GP6: variants seen among roughly 807,000 people sequenced by gnomAD.
The protein encoded by GP6 is glycoprotein VI platelet, also known as platelet glycoprotein VI.
A neutral mutation model predicts 37.3 loss-of-function variants in GP6; 45 were observed. The observed-to-expected ratio is 1.21, with a 90% CI of 0.95 to 1.55. The LOEUF is 1.55. GP6 is among the 40% of genes most tolerant of loss of function. GP6 has a pLI of 0.00. For synonymous variants in GP6, 340 were observed against 316.4 expected (o/e 1.07, Z -0.79); for missense variants, 813 against 760.2 (o/e 1.07, Z -0.82).
intron 3 of GP6, among the ~76,000 whole-genome samples, chr19:55,031,811 A>C (rs1208670401): frequency 6.6e-6 from 1 of 152,022 alleles, no homozygotes; most frequent in African/African-American, 2.4e-5. Context: ...CATCTCTATA[A>C]AAACATAAAA....
At position 55,032,819 on chromosome 19, in the gene GP6, A is replaced by C. The variant is rs560851334; in HGVS notation, c.35-281T>G. The C allele has an allele frequency of 5.1e-6, 3 of 593,342 alleles. No individual in the cohort carries two copies. The African/African-American group carries it at 5.7e-5, about 11-fold the overall frequency. The allele number at this position is 593,342 out of a possible 1,614,324, so 36.8% of individuals were successfully genotyped here. ...GGGTGGTGGGAGAGGAGGGCAAGGC[A>C]TGGTGGCGTACTGCTCTCTGTGGAC... is the stretch of plus-strand genomic sequence containing the variant. On this transcript the variant is annotated intron_variant, in intron 1 of 7. Transcript: ENST00000310373.
Position 55,015,147 on chromosome 19 carries a change from T to C in GP6, c.798A>G (p.Leu266=). ...TATCCGGACCAGGTTGCCCTTGGTG[T>C]AGTACTGGCGGGCAGGACCTGGAGG... is the stretch of plus-strand genomic sequence containing the variant. Residue 266 remains leucine (L), a synonymous_variant, in exon 8 of 8, where the codon CTA becomes CTG. Transcript: ENST00000310373. 1 of 1,567,396 alleles carries C rather than the reference T, an allele frequency of 6.4e-7. No homozygotes were observed. The highest frequency in any genetic ancestry group is 2.3e-5 in the East Asian group (1 of 42,572).
chr19:55,018,816 T>A, intron 5 of GP6, 105 bp from the exon 6 acceptor site: 1 of 799,908 alleles, frequency 1.3e-6, no homozygotes, highest in Non-Finnish European at 2.3e-6. Flanking sequence ...CCCCTTTCTC[T>A]GACACACTGC....
chr19:55,024,336 A>G (rs1406515220), intron 5 of GP6, among the ~76,000 whole-genome samples: 2 of 54,548 alleles, frequency 3.7e-5, no homozygotes, highest in Non-Finnish European at 9.7e-5. Flanking sequence ...ATATGCACGC[A>G]CACACGCACA....
chr19:55,036,497 A>G (rs1235814146), intron 1 of GP6, among the ~76,000 whole-genome samples: 1 of 150,958 alleles, frequency 6.6e-6, no homozygotes, highest in African/African-American at 2.4e-5. Flanking sequence ...CCAGGAGTTC[A>G]AGACCAGCCT....
intron 6 of GP6, 72 bp downstream of exon 6, chr19:55,018,580 G>C (rs2073960145): frequency 1.1e-6 from 1 of 894,958 alleles, no homozygotes; most frequent in South Asian, 1.3e-5. Flanking sequence ...AAGCCTACAG[G>C]CTTAGATAAT....
chr19:55,027,509 C>T lies in GP6; in HGVS notation c.610+69G>A, dbSNP rs73057282. ...TCCCACTTCCTTCCCACTTATGGCC[C>T]CTCCCTTGGAATGGCCATCAGGACC... On this transcript the variant is annotated intron_variant, in intron 4 of 7. Transcript: ENST00000310373. 29,153 of 1,199,020 alleles carry T rather than the reference C, an allele frequency of 0.024. 891 individuals are homozygous for T. The highest frequency in any genetic ancestry group is 0.027 in the Non-Finnish European group (21,917 of 810,512). The allele number at this position is 1,199,020 out of a possible 1,614,324, so 74.3% of individuals were successfully genotyped here. A position where few individuals can be genotyped will look rare whatever the true frequency, so the allele number is the denominator to read the frequency against.
intron 7 of GP6, 50 bp from the exon 8 acceptor site, chr19:55,015,215 A>C (rs1009258698): frequency 3.2e-6 from 5 of 1,548,288 alleles, no homozygotes; most frequent in Non-Finnish European, 8.7e-7. Context: ...CACCTCCAGG[A>C]CCCCCTCCAA....
intron 5 of GP6, among the ~76,000 whole-genome samples, chr19:55,024,377 G>T (rs560085352): frequency 5.1e-5 from 1 of 19,448 alleles, no homozygotes; most frequent in Non-Finnish European, 1.8e-4. Flanking sequence ...CACGCACACA[G>T]TATGTGACCA....
intron 1 of GP6, among the ~76,000 whole-genome samples, chr19:55,037,604 G>GT (rs750953098): frequency 1.7e-4 from 20 of 120,072 alleles, no homozygotes; most frequent in Non-Finnish European, 3.2e-4. Context: ...CCCAAAGTGT[G>GT]TAAGCCATGG....
chr19:55,016,042 G>A (rs940768649), intron 6 of GP6, among the ~76,000 whole-genome samples: 1 of 151,998 alleles, frequency 6.6e-6, no homozygotes, highest in African/African-American at 2.4e-5. Flanking sequence ...AGTGGAGGCT[G>A]AGGCAGGAAG....
intron 2 of GP6, 31 bp downstream of exon 2, chr19:55,032,475 C>CAGG: frequency 1.2e-6 from 2 of 1,613,756 alleles, no homozygotes; most frequent in Non-Finnish European, 1.7e-6. Flanking sequence ...GCGGATCCCG[C>CAGG]AGGAGGGAAG....
At chr19:55,034,376 G>A (rs1369651856) in intron 1 of GP6, among the ~76,000 whole-genome samples, 1 of 151,964 alleles carries the variant, frequency 6.6e-6, no homozygotes, top group Non-Finnish European at 1.5e-5. Flanking sequence ...TCAACATGGT[G>A]AAACACCATC....
In GP6 at chr19:55,015,742, C is replaced by T. The variant is rs1179440839; in HGVS notation, c.725-9G>A. 6.7e-7 allele frequency: 1 copy of T among 1,487,094 alleles called. No individual in the cohort carries two copies. 92.1% of individuals were successfully genotyped at this position (1,487,094 alleles called of 1,614,324 possible). ...GATACTCCTAGAAGTCTCTGGGAACCAAACAAAGGCTAAGTGTGAAATGAA... is the reference window on the plus strand; with the variant it reads ...GATACTCCTAGAAGTCTCTGGGAACTAAACAAAGGCTAAGTGTGAAATGAA... On this transcript the variant is annotated splice_polypyrimidine_tract_variant and intron_variant, in intron 6 of 7. Coordinates refer to ENST00000310373, the MANE Select transcript of GP6 (RefSeq NM_001083899.2).
At chr19:55,029,345 TATATATATATATATATATATATA>T (rs2074450263) in intron 3 of GP6, among the ~76,000 whole-genome samples, 1 of 4,848 alleles carries the variant, frequency 2.1e-4, no homozygotes, top group Non-Finnish European at 3.6e-4. Context: ...TATATATATA[TATATATATATATATATATATATA>T]TATATATTTT....
Position 55,032,163 on chromosome 19 carries a change from C to T in GP6, c.301G>A (p.Asp101Asn), listed in dbSNP as rs572860909. The change falls in exon 3 of 8, where the codon GAC (aspartate) becomes AAC (asparagine). Residue 101 changes from aspartate (D) to asparagine (N), a missense_variant. Transcript: ENST00000310373. ...CCCGTGGCAACGAGCTCCAGCTGGTCGCTGGGCAGGGACCAGAGGCTTCCG... is the reference window on the plus strand; with the variant it reads ...CCCGTGGCAACGAGCTCCAGCTGGTTGCTGGGCAGGGACCAGAGGCTTCCG... 36 of 1,613,982 alleles carry T rather than the reference C, an allele frequency of 2.2e-5. No individual in the cohort carries two copies. The East Asian group carries it at 4.2e-4, about 19-fold the overall frequency.
Position 55,032,491 on chromosome 19 carries a change from T to G in GP6, c.67+15A>C. On this transcript the variant is annotated intron_variant, in intron 2 of 7. Transcript: ENST00000310373. ...CGGATCCCGCAGGAGGGAAGGGGTC[T>G]GGGGAAGGACTCACCACTCTGCGCT... 1 of 1,613,760 alleles carries G rather than the reference T, an allele frequency of 6.2e-7. No homozygotes were observed. The highest frequency in any genetic ancestry group is 8.5e-7 in the Non-Finnish European group (1 of 1,179,894).
At chr19:55,036,464 C>T (rs1438345641) in intron 1 of GP6, among the ~76,000 whole-genome samples, 1 of 152,080 alleles carries the variant, frequency 6.6e-6, no homozygotes, top group African/African-American at 2.4e-5. Flanking sequence ...TTTGGGAGGC[C>T]GAGGTGGGTG....
At chr19:55,020,623 A>G (rs2074044029) in intron 5 of GP6, among the ~76,000 whole-genome samples, 1 of 152,118 alleles carries the variant, frequency 6.6e-6, no homozygotes, top group South Asian at 2.1e-4. Context: ...TCTATCATTG[A>G]TGGGCATTTG....
Sources: allele counts gnomAD v4.1 joint callset (sites outside exome capture counted in the v4.1 genomes callset), GRCh38; gene constraint gnomAD v4.1.1; transcripts MANE v1.5; gene names NCBI Gene and HGNC (gene_info 2026-07-23, HGNC 2026-07-21).